CACHD1: variants seen among roughly 807,000 people sequenced by gnomAD.
CACHD1 encodes cache domain containing 1, also known as VWFA and cache domain-containing protein 1.
CACHD1 carries 71 observed loss-of-function variants against 138.7 expected under a neutral mutation model. That is an observed-to-expected ratio of 0.51 (90% CI 0.42 to 0.62). The LOEUF is 0.62. Ranked by LOEUF, CACHD1 falls within the 20% of genes least tolerant of loss-of-function variation. The pLI, the probability that CACHD1 is intolerant of heterozygous loss-of-function variation, is 0.00. For synonymous variants in CACHD1, 578 were observed against 591.5 expected, an observed-to-expected ratio of 0.98 and a Z score of 0.33; for missense variants, 1,389 against 1,625.3, an observed-to-expected ratio of 0.85 and a Z score of 2.50.
At chr1:64,633,928 C>T in intron 6 of CACHD1, 116 bp from the exon 7 acceptor site, 1 of 708,346 alleles carries the variant, frequency 1.4e-6, no homozygotes, top group Non-Finnish European at 2.3e-6. Flanking sequence ...TTGAAACTCT[C>T]AGAATCTGTT....
chr1:64,489,970 C>T (rs925796971), intron 1 of CACHD1, among the ~76,000 whole-genome samples: 9 of 152,180 alleles, frequency 5.9e-5, no homozygotes, highest in African/African-American at 2.2e-4. Flanking sequence ...TATTACCTAA[C>T]TTATACATAC....
At chr1:64,477,139 G>A (rs995895288) in intron 1 of CACHD1, among the ~76,000 whole-genome samples, 17 of 152,136 alleles carry the variant, frequency 1.1e-4, no homozygotes, top group Admixed American at 1.0e-3. Context: ...TATTTTAAAG[G>A]ATAACCAAGT....
chr1:64,597,087 G>C (rs780517442), intron 3 of CACHD1, among the ~76,000 whole-genome samples: 1 of 152,098 alleles, frequency 6.6e-6, no homozygotes, highest in African/African-American at 2.4e-5. Context: ...GTGTGAGTGG[G>C]GGGGTGCTGG....
intron 7 of CACHD1, among the ~76,000 whole-genome samples, chr1:64,635,564 A>G (rs1318151410): frequency 6.6e-6 from 1 of 151,276 alleles, no homozygotes; most frequent in Middle Eastern, 3.2e-3. Flanking sequence ...TTGTATTTTA[A>G]GTAGAGATGG....
intron 1 of CACHD1, among the ~76,000 whole-genome samples, chr1:64,500,145 A>T (rs1646330023): frequency 1.3e-5 from 2 of 152,190 alleles, no homozygotes; most frequent in African/African-American, 2.4e-5. Context: ...GCTCACCCTC[A>T]TTCATGTAGG....
intron 1 of CACHD1, among the ~76,000 whole-genome samples, chr1:64,523,898 C>T (rs1424362131): frequency 1.3e-5 from 2 of 148,912 alleles, no homozygotes; most frequent in African/African-American, 4.9e-5. Context: ...TTTCTAATGG[C>T]TATGGACCTC....
chr1:64,691,767 T>C lies in CACHD1; in HGVS notation c.*206T>C, dbSNP rs78963937. On this transcript the variant is annotated 3_prime_UTR_variant, in exon 27 of 27. Coordinates refer to ENST00000651257, the MANE Select transcript of CACHD1 (RefSeq NM_020925.4). ...CACATTTGTGAAGATGTGAGGCTGGTTCTGAAATGGAGGGGAAATAAGCCT... is the reference window on the plus strand; with the variant it reads ...CACATTTGTGAAGATGTGAGGCTGGCTCTGAAATGGAGGGGAAATAAGCCT... 1.2e-3 allele frequency: 696 copies of C among 582,548 alleles called. 2 individuals carry two copies. The African/African-American group carries it at 0.012, about 10-fold the overall frequency. 36.1% of individuals were successfully genotyped at this position (582,548 alleles called of 1,614,324 possible). A position where few individuals can be genotyped will look rare whatever the true frequency, so the allele number is the denominator to read the frequency against.
rs1461748060 is a variant in CACHD1, at chr1:64,663,742, G to T, written c.1999G>T (p.Glu667Ter). The T allele has an allele frequency of 6.2e-7, 1 of 1,613,908 alleles. No individual in the cohort carries two copies. Among genetic ancestry groups the T allele is most frequent in the Admixed American group, 1.7e-5 (1 of 59,982 alleles). Reference protein sequence around the residue: ...LSAGSFSSPYEHLSQPETKRM... With the variant: ...LSAGSFSSPY ...TGCTGGCAGCTTTTCCTCCCCCTAT[G>T]AGCACCTCAGCCAGCCAGAGACAAA... is the stretch of plus-strand genomic sequence containing the variant. The change falls in exon 14 of 27, where the codon GAG becomes TAG. Residue 667 changes from glutamate to a stop codon, truncating the protein, a stop_gained. Transcript: ENST00000651257. LOFTEE classifies it high-confidence loss of function.
At chr1:64,471,286 A>T (rs1051940339) in intron 1 of CACHD1, among the ~76,000 whole-genome samples, 1 of 151,948 alleles carries the variant, frequency 6.6e-6, no homozygotes, top group East Asian at 1.9e-4. Context: ...CACATTTCCC[A>T]TGTAGGCTTG....
intron 1 of CACHD1, among the ~76,000 whole-genome samples, chr1:64,515,271 A>G (rs1570321348): frequency 6.6e-6 from 1 of 152,158 alleles, no homozygotes; most frequent in East Asian, 1.9e-4. Context: ...ATTGCTTTGG[A>G]GTGTCCTTTG....
rs933759957 is a variant in CACHD1 at position 64,543,286 on chromosome 1, C to T, written c.199-7308C>T. Among the ~76,000 whole-genome samples the T allele has an allele frequency of 1.2e-4, 18 of 151,110 alleles. 1 individual carries two copies. The highest frequency in any genetic ancestry group is 3.9e-4 in the East Asian group (2 of 5,118). ...AAAATTGACCAAAGGCCAGGCATGG[C>T]GGCTCATGCCTGTTATCCCAGCACT... On this transcript the variant is annotated intron_variant, in intron 1 of 26. Coordinates refer to ENST00000651257, the MANE Select transcript of CACHD1 (RefSeq NM_020925.4).
chr1:64,642,103 C>G, intron 8 of CACHD1, 134 bp downstream of exon 8: 5 of 668,268 alleles, frequency 7.5e-6, no homozygotes, highest in Non-Finnish European at 1.2e-5. Context: ...GCGGCTCTTT[C>G]TCTACCTGAT....
At chr1:64,668,040 A>G (rs1649691533) in intron 16 of CACHD1, among the ~76,000 whole-genome samples, 1 of 152,220 alleles carries the variant, frequency 6.6e-6, no homozygotes, top group Non-Finnish European at 1.5e-5. Flanking sequence ...ACAAAAACCC[A>G]GGTTCAGGCC....
intron 17 of CACHD1, 29 bp downstream of exon 17, chr1:64,671,715 T>A (rs1217051207): frequency 3.7e-6 from 6 of 1,613,502 alleles, no homozygotes; most frequent in Non-Finnish European, 5.1e-6. Context: ...CTATTTCCTT[T>A]CTAGCTGCAG....
At chr1:64,540,316 G>T (rs549827937) in intron 1 of CACHD1, among the ~76,000 whole-genome samples, 3 of 152,156 alleles carry the variant, frequency 2.0e-5, no homozygotes, top group South Asian at 2.1e-4. Context: ...GGAGATCTAG[G>T]GGGTAGGGGT....
At chr1:64,534,741 G>T (rs1444618145) in intron 1 of CACHD1, among the ~76,000 whole-genome samples, 1 of 152,246 alleles carries the variant, frequency 6.6e-6, no homozygotes, top group African/African-American at 2.4e-5. Context: ...AAACAGAGTT[G>T]GGCCATGACT....
chr1:64,664,112 A>T, intron 14 of CACHD1: 1 of 484,296 alleles, frequency 2.1e-6, no homozygotes, highest in Non-Finnish European at 3.6e-6. Context: ...GACTAGTGAA[A>T]CTTTCCCAGC....
At chr1:64,678,112 C>T in intron 22 of CACHD1, 47 bp from the exon 23 acceptor site, 1 of 1,587,658 alleles carries the variant, frequency 6.3e-7, no homozygotes, top group Non-Finnish European at 8.6e-7. Flanking sequence ...GTGCTGTCCC[C>T]TGCCCCACAC....
At chr1:64,644,871 G>A (rs778586743) in intron 8 of CACHD1, among the ~76,000 whole-genome samples, 7 of 152,250 alleles carry the variant, frequency 4.6e-5, no homozygotes, top group Admixed American at 6.5e-5. Flanking sequence ...GCCGAGGCAG[G>A]CGGATCACCT....
Sources: allele counts gnomAD v4.1 joint callset (sites outside exome capture counted in the v4.1 genomes callset), GRCh38; gene constraint gnomAD v4.1.1; transcripts MANE v1.5; gene names NCBI Gene and HGNC (gene_info 2026-07-23, HGNC 2026-07-21).